The following NF1 variants were observed in gnomAD, a reference collection of about 807,000 sequenced individuals.
NF1 encodes the protein neurofibromin 1.
In NF1, 122 loss-of-function variants were observed where a neutral mutation model predicts 325.7. The ratio of observed to expected loss-of-function variants is 0.37; its 90% CI spans 0.32 to 0.44. The LOEUF (loss-of-function observed/expected upper bound fraction) is 0.44, where lower values mean the gene tolerates loss of function less well. Among genes scored for constraint, NF1 ranks in the 20% least tolerant of loss-of-function variants. NF1 has a pLI of 1.00. For missense variants in NF1, 2,140 were observed against 3,415.4 expected, an observed-to-expected ratio of 0.63 and a Z score of 9.31; for synonymous variants, 1,091 against 1,186.0, an observed-to-expected ratio of 0.92 and a Z score of 1.65.
intron 36 of NF1, chr17:31,318,351 T>C (rs1404524672): frequency 6.2e-7 from 1 of 1,611,878 alleles, no homozygotes; most frequent in African/African-American, 1.3e-5. Context: ...CTTCATCTTT[T>C]CTTTCCCTTG....
chr17:31,337,565 T>C lies in NF1; in HGVS notation c.6625T>C (p.Leu2209=), dbSNP rs2151556602. ...LTSLETVTEA[L]LEIMEACMRD... The stretch of plus-strand genomic sequence containing the variant: ...ATCCTTGGAAACAGTCACAGAAGCT[T>C]TGTTGGAGATCATGGAGGTATAGAA... The change falls in exon 43 of 58, where the codon TTG becomes CTG. Residue 2209 remains leucine, a synonymous_variant. Coordinates refer to ENST00000358273, the MANE Select transcript of NF1 (RefSeq NM_001042492.3). The C allele has an allele frequency of 6.2e-7, 1 of 1,614,040 alleles. No individual in the cohort carries two copies.
intron 14 of NF1, 187 bp downstream of exon 14, chr17:31,219,305 C>T (rs763841802): frequency 7.9e-6 from 4 of 506,900 alleles, no homozygotes; most frequent in Admixed American, 6.7e-5. Context: ...CTTTGTATCA[C>T]ATAGCAATAA....
At chr17:31,200,763 G>A (rs1274036316) in intron 9 of NF1, among the ~76,000 whole-genome samples, 168 bp downstream of exon 9, 1 of 152,216 alleles carries the variant, frequency 6.6e-6, no homozygotes, top group African/African-American at 2.4e-5. Flanking sequence ...TAAATGGACT[G>A]AGAATATGAA....
At chr17:31,151,204 T>A (rs1445733977) in intron 1 of NF1, among the ~76,000 whole-genome samples, 2 of 152,104 alleles carry the variant, frequency 1.3e-5, no homozygotes, top group African/African-American at 4.8e-5. Flanking sequence ...GCCAAGAGTA[T>A]TCAGTACAAT....
chr17:31,248,838 T>C, intron 29 of NF1, 146 bp from the exon 30 acceptor site: 1 of 771,580 alleles, frequency 1.3e-6, no homozygotes, highest in Non-Finnish European at 2.0e-6. Flanking sequence ...TGTCTTTTTT[T>C]TTTTTATAGT....
chr17:31,121,096 A>G (rs1385426761), intron 1 of NF1, among the ~76,000 whole-genome samples: 5 of 152,222 alleles, frequency 3.3e-5, no homozygotes, highest in Non-Finnish European at 7.3e-5. Flanking sequence ...CAATTTCTCT[A>G]TAATTCAGCC....
In NF1 at chr17:31,318,325, A is replaced by G. The variant is rs2069078635; in HGVS notation, c.4836-7495A>G. 1.2e-6 allele frequency: 2 copies of G among 1,609,130 alleles called. No homozygotes were observed. The highest frequency in any genetic ancestry group is 1.7e-6 in the Non-Finnish European group (2 of 1,178,606). On this transcript the variant is annotated intron_variant, in intron 36 of 57. Transcript: ENST00000358273. ...TCACTAACCTATCTGTTTGTTAGTA[A>G]GTTTTTCAGTTCCTTCTTCATCTTT...
At chr17:31,284,784 G>A (rs1401267856) in intron 36 of NF1, among the ~76,000 whole-genome samples, 1 of 152,078 alleles carries the variant, frequency 6.6e-6, no homozygotes, top group African/African-American at 2.4e-5. Flanking sequence ...AATCCTCAAA[G>A]GAAATAATCC....
intron 8 of NF1, among the ~76,000 whole-genome samples, chr17:31,194,392 T>C (rs1597673803): frequency 6.6e-6 from 1 of 151,728 alleles, no homozygotes; most frequent in African/African-American, 2.4e-5. Flanking sequence ...AAGGATAGGG[T>C]GCGGGGAGGG....
At chr17:31,139,592 G>C (rs942402263) in intron 1 of NF1, among the ~76,000 whole-genome samples, 27 of 152,152 alleles carry the variant, frequency 1.8e-4, no homozygotes, top group African/African-American at 6.5e-4. Flanking sequence ...CATGGGCTAG[G>C]GTAAGTTGGT....
intron 36 of NF1, among the ~76,000 whole-genome samples, chr17:31,278,563 A>G (rs1300030250): frequency 1.9e-5 from 2 of 103,838 alleles, no homozygotes; most frequent in East Asian, 3.1e-4. Context: ...TGCCATGTCT[A>G]TGCTCATTGC....
At chr17:31,125,850 T>G (rs1914838686) in intron 1 of NF1, among the ~76,000 whole-genome samples, 1 of 152,232 alleles carries the variant, frequency 6.6e-6, no homozygotes, top group African/African-American at 2.4e-5. Flanking sequence ...AATTATTTTT[T>G]AAAGTGATTG....
chr17:31,124,976 TAAAAA>T (rs565114032), intron 1 of NF1, among the ~76,000 whole-genome samples: 1 of 142,822 alleles, frequency 7.0e-6, no homozygotes, highest in African/African-American at 2.5e-5. Flanking sequence ...AGTTTATACT[TAAAAA>T]AAAAAAAACA....
chr17:31,182,368 T>G, intron 7 of NF1, 140 bp from the exon 8 acceptor site: 1 of 721,024 alleles, frequency 1.4e-6, no homozygotes, highest in Non-Finnish European at 2.4e-6. Context: ...CAGAATGCAT[T>G]TGTGTAGTTG....
At chr17:31,238,503 G>A (rs2067240871) in intron 29 of NF1, among the ~76,000 whole-genome samples, 1 of 152,134 alleles carries the variant, frequency 6.6e-6, no homozygotes, top group African/African-American at 2.4e-5. Context: ...GGGAGGCTGA[G>A]GTGGGCAGAT....
chr17:31,322,092 TATAC>T (rs1274633240), intron 36 of NF1, among the ~76,000 whole-genome samples: 74 of 48,480 alleles, frequency 1.5e-3, no homozygotes, highest in Non-Finnish European at 1.9e-3. Context: ...GTAGTGTGTG[TATAC>T]ACACACACAC....
chr17:31,291,980 A>G (rs1481659804), intron 36 of NF1, among the ~76,000 whole-genome samples: 1 of 152,204 alleles, frequency 6.6e-6, no homozygotes, highest in African/African-American at 2.4e-5. Flanking sequence ...CAACAACAAC[A>G]TTACTGCATC....
rs548898488 is a variant in NF1 at position 31,177,507 on chromosome 17, C to G, written c.587-3915C>G. ...TTACCAGCAAAGGAACGAAACTGGA[C>G]AAAGAATGAGTTTGACAAATTGACA... On this transcript the variant is annotated intron_variant, in intron 5 of 57. Coordinates refer to ENST00000358273, the MANE Select transcript of NF1 (RefSeq NM_001042492.3). Among the ~76,000 whole-genome samples the G allele has an allele frequency of 2.6e-5, 4 of 151,960 alleles. No homozygotes were observed. In the South Asian group the frequency reaches 8.3e-4, roughly 32 times the overall value.
chr17:31,309,058 G>A (rs187516291), intron 36 of NF1, among the ~76,000 whole-genome samples: 178 of 152,228 alleles, frequency 1.2e-3, no homozygotes, highest in Non-Finnish European at 2.2e-3. Flanking sequence ...AAGGTAAAGG[G>A]ATCCCTTATT....
Sources: gnomAD v4.1 joint callset for allele counts (sites outside exome capture counted in the v4.1 genomes callset) on GRCh38, gnomAD v4.1.1 for gene constraint, MANE v1.5 for transcripts, NCBI Gene and HGNC (gene_info 2026-07-23, HGNC 2026-07-21) for gene names.